The following TRPM3 variants were observed in gnomAD, a reference collection of about 807,000 sequenced individuals.
The protein encoded by TRPM3 is long transient receptor potential channel 3.
TRPM3 carries 77 observed loss-of-function variants against 181.2 expected under a neutral mutation model. That is an observed-to-expected ratio of 0.42 (90% CI 0.35 to 0.51). The LOEUF is 0.51. TRPM3 is among the 20% of genes least tolerant of loss of function. The pLI is 0.01. For missense variants in TRPM3, 1,759 were observed against 2,196.7 expected (o/e 0.80, Z 3.98); for synonymous variants, 745 against 796.4 (o/e 0.94, Z 1.09).
chr9:70,977,197 C>T (rs369650000), intron 1 of TRPM3, among the ~76,000 whole-genome samples: 19 of 152,284 alleles, frequency 1.2e-4, no homozygotes, highest in South Asian at 1.0e-3. Flanking sequence ...TGCAGTGGCA[C>T]GATCTCGGCT....
chr9:71,379,195 C>T (rs886780339), intron 1 of TRPM3, among the ~76,000 whole-genome samples: 5 of 151,878 alleles, frequency 3.3e-5, no homozygotes, highest in African/African-American at 7.3e-5. Context: ...AAAATATAAA[C>T]GCTTAATCTA....
chr9:71,423,572 TTACTGAAAC>T (rs2093814207), intron 1 of TRPM3, among the ~76,000 whole-genome samples: 2 of 152,110 alleles, frequency 1.3e-5, no homozygotes. Context: ...TTTATGCTTA[TTACTGAAAC>T]TTGTGGATGG....
chr9:70,760,591 A>G (rs2077946447), intron 8 of TRPM3: 1 of 151,650 alleles, frequency 6.6e-6, no homozygotes, highest in African/African-American at 2.4e-5. Context: ...CCAAACCTGG[A>G]AGCTGCTGAA....
intron 1 of TRPM3, among the ~76,000 whole-genome samples, chr9:71,443,259 A>T (rs1211122040): frequency 6.6e-6 from 1 of 152,172 alleles, no homozygotes; most frequent in Non-Finnish European, 1.5e-5. Flanking sequence ...AGCAACATGA[A>T]TTCATAAAGC....
At chr9:70,900,545 T>C (rs1443177950) in intron 1 of TRPM3, among the ~76,000 whole-genome samples, 1 of 152,188 alleles carries the variant, frequency 6.6e-6, no homozygotes, top group African/African-American at 2.4e-5. Context: ...TCCAAAGGCG[T>C]ATTCTCTAAG....
chr9:71,293,057 T>C (rs753118479), intron 1 of TRPM3, among the ~76,000 whole-genome samples: 5 of 151,946 alleles, frequency 3.3e-5, no homozygotes, highest in Admixed American at 6.6e-5. Context: ...TACATATTCA[T>C]CTCAATATAT....
chr9:70,553,503 T>G (rs201538769), intron 22 of TRPM3, among the ~76,000 whole-genome samples, 193 bp from the exon 23 acceptor site: 1 of 152,106 alleles, frequency 6.6e-6, no homozygotes, highest in Non-Finnish European at 1.5e-5. Flanking sequence ...ACTGTGGTGG[T>G]GGGGGGCCTC....
intron 1 of TRPM3, among the ~76,000 whole-genome samples, chr9:71,298,303 G>A (rs915015271): frequency 3.3e-5 from 5 of 151,998 alleles, no homozygotes; most frequent in Non-Finnish European, 7.4e-5. Flanking sequence ...CCATACATCT[G>A]GTTGGGTCAA....
intron 1 of TRPM3, among the ~76,000 whole-genome samples, chr9:71,435,186 G>A (rs778765230): frequency 6.6e-6 from 1 of 151,926 alleles, no homozygotes; most frequent in Admixed American, 6.5e-5. Context: ...AAACTTTTTA[G>A]CAGACTAATA....
intron 6 of TRPM3, among the ~76,000 whole-genome samples, chr9:70,791,560 C>T (rs750351523): frequency 1.3e-5 from 2 of 152,214 alleles, no homozygotes; most frequent in Non-Finnish European, 2.9e-5. Context: ...TGAACCCCCT[C>T]TATGTACAAT....
chr9:71,368,004 G>GAGTGTATGTGTACACACACACACA (rs1554885293), intron 1 of TRPM3, among the ~76,000 whole-genome samples: 1 of 37,826 alleles, frequency 2.6e-5, no homozygotes, highest in Non-Finnish European at 6.8e-5. Context: ...ACACACACAT[G>GAGTGTATGTGTACACACACACACA]TGAGTGTATG....
rs2073648037 is a variant in TRPM3, at chr9:71,121,581, A to C, written c.-227T>G. On this transcript the variant is annotated 5_prime_UTR_variant, in exon 1 of 26. Coordinates refer to ENST00000677713, the MANE Select transcript of TRPM3 (RefSeq NM_001366145.2). ...TTGAAGAAGAGGGACAGCCTGCACAAAACAGCCTGTGGTCGGAGTCAAAGC... is the reference window on the plus strand; with the variant it reads ...TTGAAGAAGAGGGACAGCCTGCACACAACAGCCTGTGGTCGGAGTCAAAGC... The C allele has an allele frequency of 7.6e-7, 1 of 1,319,286 alleles. No homozygotes were observed. Among genetic ancestry groups the C allele is most frequent in the East Asian group, 3.0e-5 (1 of 33,680 alleles). The allele number at this position is 1,319,286 out of a possible 1,614,324, so 81.7% of individuals were successfully genotyped here.
intron 1 of TRPM3, among the ~76,000 whole-genome samples, chr9:71,006,055 T>C (rs575902169): frequency 6.6e-6 from 1 of 152,144 alleles, no homozygotes; most frequent in Non-Finnish European, 1.5e-5. Flanking sequence ...TATTAAAATA[T>C]AAAATTTGTC....
chr9:70,923,784 A>AC (rs2096684356), intron 1 of TRPM3, among the ~76,000 whole-genome samples: 1 of 133,792 alleles, frequency 7.5e-6, no homozygotes, highest in African/African-American at 2.9e-5. Flanking sequence ...CAACACAAAT[A>AC]ACACACACAC....
At chr9:71,044,001 T>G (rs1438449384) in intron 1 of TRPM3, among the ~76,000 whole-genome samples, 1 of 152,164 alleles carries the variant, frequency 6.6e-6, no homozygotes, top group African/African-American at 2.4e-5. Context: ...CAACTGATTC[T>G]CTTTTTATCT....
intron 8 of TRPM3, among the ~76,000 whole-genome samples, chr9:70,743,351 A>G (rs988959196): frequency 6.6e-6 from 1 of 152,152 alleles, no homozygotes; most frequent in Non-Finnish European, 1.5e-5. Context: ...CTTCAAATTA[A>G]TTCCCCTTTG....
chr9:70,680,800 T>C (rs981545722), intron 9 of TRPM3, among the ~76,000 whole-genome samples: 10 of 152,192 alleles, frequency 6.6e-5, no homozygotes, highest in Admixed American at 6.5e-4. Context: ...TGAAGTGTAA[T>C]GTACTTAGTA....
At chr9:71,067,336 G>A (rs2062059159) in intron 1 of TRPM3, among the ~76,000 whole-genome samples, 3 of 152,182 alleles carry the variant, frequency 2.0e-5, no homozygotes, top group South Asian at 4.1e-4. Context: ...GATAACTGCT[G>A]TTGATCTTTT....
intron 1 of TRPM3, among the ~76,000 whole-genome samples, chr9:71,076,781 T>C (rs1000160684): frequency 1.3e-5 from 2 of 152,174 alleles, no homozygotes; most frequent in African/African-American, 4.8e-5. Context: ...GAAATGTGAA[T>C]TGTATCTGTG....
Sources: gnomAD v4.1 joint callset for allele counts (sites outside exome capture counted in the v4.1 genomes callset) on GRCh38, gnomAD v4.1.1 for gene constraint, MANE v1.5 for transcripts, NCBI Gene and HGNC (gene_info 2026-07-23, HGNC 2026-07-21) for gene names.